Variants in PTPRD observed in about 807,000 individuals in gnomAD.
PTPRD encodes protein tyrosine phosphatase receptor type D, also known as receptor-type tyrosine-protein phosphatase delta.
A neutral mutation model predicts 214.5 loss-of-function variants in PTPRD; 34 were observed. The ratio of observed to expected loss-of-function variants is 0.16; its 90% CI spans 0.12 to 0.21. The LOEUF (loss-of-function observed/expected upper bound fraction) is 0.21. Ranked by LOEUF, PTPRD falls within the 10% of genes least tolerant of loss-of-function variation. The probability of loss-of-function intolerance (pLI) is 1.00; values close to 1 mark genes in which losing one functional copy is unlikely to be tolerated. For missense variants in PTPRD, 2,545 were observed against 2,398.7 expected, an observed-to-expected ratio of 1.06 and a Z score of -1.27; for synonymous variants, 1,128 against 845.7, an observed-to-expected ratio of 1.33 and a Z score of -5.79.
intron 11 of PTPRD, among the ~76,000 whole-genome samples, chr9:8,948,843 G>A (rs2099086620): frequency 6.6e-6 from 1 of 151,566 alleles, no homozygotes; most frequent in Non-Finnish European, 1.5e-5. Flanking sequence ...CAGATGATGT[G>A]ATAGAAGTAA....
intron 2 of PTPRD, among the ~76,000 whole-genome samples, chr9:10,606,537 T>C (rs910822310): frequency 2.0e-5 from 3 of 151,556 alleles, no homozygotes; most frequent in East Asian, 3.9e-4. Flanking sequence ...TATTTTCTTT[T>C]TTTTTTTTTC....
chr9:8,771,229 T>G (rs1200655197), intron 11 of PTPRD, among the ~76,000 whole-genome samples: 1 of 151,974 alleles, frequency 6.6e-6, no homozygotes, highest in Admixed American at 6.6e-5. Context: ...AATTTAAAAT[T>G]CTTTCTATTC....
At chr9:9,924,141 AAC>A (rs1566369999) in intron 5 of PTPRD, among the ~76,000 whole-genome samples, 2 of 152,046 alleles carry the variant, frequency 1.3e-5, no homozygotes, top group African/African-American at 4.8e-5. Flanking sequence ...TTTCACCAGA[AAC>A]AACACATTGA....
intron 5 of PTPRD, among the ~76,000 whole-genome samples, chr9:9,844,922 C>T (rs1292689938): frequency 6.6e-6 from 1 of 151,012 alleles, no homozygotes; most frequent in Non-Finnish European, 1.5e-5. Flanking sequence ...ACTTGTAACA[C>T]AGACATTGTG....
Position 8,375,942 on chromosome 9 carries a change from T to A in PTPRD, c.4655A>T (p.His1552Leu), listed in dbSNP as rs2134796009. 1 of 1,612,192 alleles carries A rather than the reference T, an allele frequency of 6.2e-7. No homozygotes were observed. The highest frequency in any genetic ancestry group is 8.5e-7 in the Non-Finnish European group (1 of 1,178,816). The change falls in exon 39 of 46, where the codon CAC (histidine) becomes CTC (leucine). Residue 1552 changes from histidine (H) to leucine (L), a missense_variant. By Grantham distance (99) the His-to-Leu change is moderately conservative (BLOSUM62 -3). Coordinates refer to ENST00000381196, the MANE Select transcript of PTPRD (RefSeq NM_002839.4). ...NPPDAGPMVV[H>L]CSAGVGRTGC... The stretch of plus-strand genomic sequence containing the variant: ...GTGAACAAACGCTTCTTACCTGCAG[T>A]GCACAACCATCGGACCAGCATCGGG...
chr9:9,081,683 A>T (rs2099759234), intron 10 of PTPRD, among the ~76,000 whole-genome samples: 2 of 152,114 alleles, frequency 1.3e-5, no homozygotes, highest in South Asian at 4.2e-4. Context: ...GTGCTCCTGT[A>T]TTGGGTGCAT....
chr9:10,094,097 A>AAAAAT (rs67146024), intron 3 of PTPRD, among the ~76,000 whole-genome samples: 6 of 151,436 alleles, frequency 4.0e-5, no homozygotes, highest in African/African-American at 9.7e-5. Flanking sequence ...AATCAACGTT[A>AAAAAT]AAAATAAAAT....
At chr9:8,442,278 C>G (rs1312050360) in intron 34 of PTPRD, among the ~76,000 whole-genome samples, 1 of 151,814 alleles carries the variant, frequency 6.6e-6, no homozygotes, top group African/African-American at 2.4e-5. Flanking sequence ...GTCAGTAAGG[C>G]TACTGAATGC....
At chr9:10,461,023 C>G (rs937475688) in intron 2 of PTPRD, among the ~76,000 whole-genome samples, 66 of 152,018 alleles carry the variant, frequency 4.3e-4, no homozygotes, top group Non-Finnish European at 4.1e-4. Flanking sequence ...AAGATTTACA[C>G]ATAATTCATA....
At chr9:9,330,582 T>C (rs901530946) in intron 9 of PTPRD, among the ~76,000 whole-genome samples, 8 of 152,106 alleles carry the variant, frequency 5.3e-5, no homozygotes, top group South Asian at 2.1e-4. Flanking sequence ...GTTCAGTACA[T>C]CTTTAATCTT....
intron 9 of PTPRD, among the ~76,000 whole-genome samples, chr9:9,282,158 A>G (rs1947941849): frequency 6.6e-6 from 1 of 151,366 alleles, no homozygotes; most frequent in Non-Finnish European, 1.5e-5. Flanking sequence ...ACTACCCTAT[A>G]TGAGACTGTA....
chr9:9,000,927 T>A (rs1398174014), intron 11 of PTPRD, among the ~76,000 whole-genome samples: 1 of 151,946 alleles, frequency 6.6e-6, no homozygotes, highest in Non-Finnish European at 1.5e-5. Flanking sequence ...GATGTCAGTA[T>A]TGCACCTGAG....
chr9:9,026,293 G>A lies in PTPRD; in HGVS notation c.-142-7558C>T, dbSNP rs149029042. ...GAACACAAATGTGTCCAGTGTGGCT[G>A]CAGCATGTTGAGGCATGAAAAGCCT... On this transcript the variant is annotated intron_variant, in intron 10 of 45. Transcript: ENST00000381196. Among the ~76,000 whole-genome samples the A allele has an allele frequency of 1.1e-3, 174 of 152,068 alleles. No homozygotes were observed. In the Middle Eastern group the frequency reaches 0.024, roughly 21 times the overall value.
Position 10,547,700 on chromosome 9 carries a change from T to C in PTPRD, c.-600+64698A>G, listed in dbSNP as rs983863832. Reference sequence around the variant, plus strand: ...ACATAACAAACATATACATATATGTTATATATATATATATAAGTGTACATA... The same window carrying C: ...ACATAACAAACATATACATATATGTCATATATATATATATAAGTGTACATA... On this transcript the variant is annotated intron_variant, in intron 2 of 45. Transcript: ENST00000381196. Among the ~76,000 whole-genome samples the C allele has an allele frequency of 6.3e-5, 9 of 143,188 alleles. No individual in the cohort carries two copies. The East Asian group carries it at 1.8e-3, about 28-fold the overall frequency. 93.9% of individuals were successfully genotyped at this position (143,188 alleles called of 152,430 possible).
In PTPRD at chr9:9,637,348, C is replaced by A. The variant is rs139824712; in HGVS notation, c.-286-62567G>T. On this transcript the variant is annotated intron_variant, in intron 7 of 45. Transcript: ENST00000381196. The stretch of plus-strand genomic sequence containing the variant: ...GGCAACTTGCTCTCCAGCTGTGAGG[C>A]TGTGAAATCAAACAAGTTATGTACT... Among the ~76,000 whole-genome samples, 457 of 152,204 alleles carry A rather than the reference C, an allele frequency of 3.0e-3. 5 individuals carry two copies. The highest frequency in any genetic ancestry group is 0.011 in the African/African-American group (436 of 41,520).
intron 9 of PTPRD, among the ~76,000 whole-genome samples, chr9:9,302,598 T>C (rs1955759239): frequency 1.4e-5 from 1 of 69,704 alleles, no homozygotes; most frequent in African/African-American, 5.4e-5. Flanking sequence ...TAGTTTTTTT[T>C]TTCTTTTTTT....
intron 3 of PTPRD, among the ~76,000 whole-genome samples, chr9:10,114,805 T>G (rs1225164919): frequency 6.6e-6 from 1 of 152,078 alleles, no homozygotes; most frequent in Non-Finnish European, 1.5e-5. Context: ...ATAATACATG[T>G]TCTTAAATGT....
chr9:9,253,806 G>A (rs941875407), intron 9 of PTPRD, among the ~76,000 whole-genome samples: 1 of 152,064 alleles, frequency 6.6e-6, no homozygotes, highest in Non-Finnish European at 1.5e-5. Context: ...CACAAACTTG[G>A]TAAGTTAAAA....
At chr9:9,206,802 C>A (rs1250696586) in intron 9 of PTPRD, among the ~76,000 whole-genome samples, 1 of 152,120 alleles carries the variant, frequency 6.6e-6, no homozygotes, top group Non-Finnish European at 1.5e-5. Flanking sequence ...CTGAAGGCTG[C>A]ACTACTTTTG....
Sources: allele counts gnomAD v4.1 joint callset (sites outside exome capture counted in the v4.1 genomes callset), GRCh38; gene constraint gnomAD v4.1.1; transcripts MANE v1.5; gene names NCBI Gene and HGNC (gene_info 2026-07-23, HGNC 2026-07-21).